Variants in NKAIN2 observed in about 807,000 individuals in gnomAD.
NKAIN2 encodes sodium/potassium transporting ATPase interacting 2.
Under a neutral mutation model 32.6 loss-of-function variants are expected in NKAIN2, and 14 were observed. That is an observed-to-expected ratio of 0.43 (90% confidence interval 0.28 to 0.67). NKAIN2 has a LOEUF of 0.67. Ranked by LOEUF, NKAIN2 falls within the 30% of genes least tolerant of loss-of-function variation. NKAIN2 has a pLI of 0.17. For missense variants in NKAIN2, 198 were observed against 258.3 expected (o/e 0.77, Z 1.60); for synonymous variants, 80 against 87.2 (o/e 0.92, Z 0.46).
At chr6:124,120,611 A>G (rs1785834041) in intron 1 of NKAIN2, among the ~76,000 whole-genome samples, 1 of 152,132 alleles carries the variant, frequency 6.6e-6, no homozygotes, top group Non-Finnish European at 1.5e-5. Flanking sequence ...TAGCTGCTGG[A>G]TTTCACTGCC....
chr6:123,890,383 T>A (rs1385820069), intron 1 of NKAIN2, among the ~76,000 whole-genome samples: 2 of 151,840 alleles, frequency 1.3e-5, no homozygotes, highest in African/African-American at 4.8e-5. Flanking sequence ...ATCTTTCAAG[T>A]CCTTAAACAT....
intron 2 of NKAIN2, among the ~76,000 whole-genome samples, chr6:124,351,879 C>G (rs984541321): frequency 6.6e-6 from 1 of 152,114 alleles, no homozygotes; most frequent in Non-Finnish European, 1.5e-5. Flanking sequence ...CCTCGGCCTC[C>G]CAAAGTGCTG....
intron 2 of NKAIN2, among the ~76,000 whole-genome samples, chr6:124,289,636 G>A (rs956590420): frequency 5.3e-5 from 8 of 152,128 alleles, no homozygotes; most frequent in Non-Finnish European, 1.2e-4. Flanking sequence ...GATAATTGCC[G>A]TGATTTGATT....
intron 1 of NKAIN2, among the ~76,000 whole-genome samples, chr6:124,198,637 C>T (rs1465858631): frequency 6.6e-6 from 1 of 151,848 alleles, no homozygotes; most frequent in African/African-American, 2.4e-5. Flanking sequence ...CTGCTTCTCT[C>T]CTGTGGCTTA....
At chr6:124,117,825 T>C (rs1357749185) in intron 1 of NKAIN2, among the ~76,000 whole-genome samples, 3 of 151,560 alleles carry the variant, frequency 2.0e-5, no homozygotes, top group Admixed American at 2.0e-4. Context: ...ATAATATTTA[T>C]TCAATTTTAT....
At chr6:124,398,109 C>T (rs767912097) in intron 3 of NKAIN2, among the ~76,000 whole-genome samples, 15 of 151,422 alleles carry the variant, frequency 9.9e-5, no homozygotes, top group African/African-American at 1.9e-4. Context: ...AAAAATTAGC[C>T]GGGCGTGGTT....
At chr6:124,298,746 G>A (rs937510926) in intron 2 of NKAIN2, among the ~76,000 whole-genome samples, 4 of 148,766 alleles carry the variant, frequency 2.7e-5, no homozygotes, top group Non-Finnish European at 5.9e-5. Flanking sequence ...GTAATGCTTG[G>A]AAGGAGAGAA....
At chr6:124,122,572 C>T (rs1287046188) in intron 1 of NKAIN2, among the ~76,000 whole-genome samples, 2 of 152,028 alleles carry the variant, frequency 1.3e-5, no homozygotes, top group African/African-American at 4.8e-5. Flanking sequence ...TTACCATGAG[C>T]TCAGGTGGTC....
chr6:124,717,644 G>A (rs1383639731), intron 4 of NKAIN2, among the ~76,000 whole-genome samples: 1 of 152,066 alleles, frequency 6.6e-6, no homozygotes, highest in Non-Finnish European at 1.5e-5. Context: ...CATATTTTCA[G>A]AGTAAATAAA....
In NKAIN2 at chr6:124,191,613, C is replaced by T. The variant is rs569924698; in HGVS notation, c.55-91392C>T. On this transcript the variant is annotated intron_variant, in intron 1 of 6. Coordinates refer to ENST00000368417, the MANE Select transcript of NKAIN2 (RefSeq NM_001040214.3). ...TTGCCCATTTGCCTTACTACTCTGG[C>T]GGCTAGGACTTCCACTACAATGTAA... 1.4e-3 allele frequency among the ~76,000 whole-genome samples: 206 copies of T among 152,178 alleles called. 1 individual carries two copies. The highest frequency in any genetic ancestry group is 2.3e-3 in the Non-Finnish European group (156 of 67,988).
At chr6:124,505,266 G>T (rs1012723262) in intron 3 of NKAIN2, among the ~76,000 whole-genome samples, 1 of 152,222 alleles carries the variant, frequency 6.6e-6, no homozygotes, top group African/African-American at 2.4e-5. Flanking sequence ...TGAGTGTAGT[G>T]CAGAATACTC....
intron 1 of NKAIN2, among the ~76,000 whole-genome samples, chr6:124,228,527 A>T (rs958935687): frequency 1.3e-5 from 2 of 152,150 alleles, no homozygotes; most frequent in African/African-American, 4.8e-5. Context: ...AAATACCATC[A>T]CACTGGGGGT....
intron 4 of NKAIN2, among the ~76,000 whole-genome samples, chr6:124,744,759 C>T (rs545122978): frequency 9.2e-5 from 14 of 151,924 alleles, no homozygotes; most frequent in African/African-American, 3.4e-4. Context: ...GTCATGATTA[C>T]GGAATACAGA....
chr6:124,579,572 C>T (rs1331647109), intron 3 of NKAIN2, among the ~76,000 whole-genome samples: 2 of 152,096 alleles, frequency 1.3e-5, no homozygotes, highest in Non-Finnish European at 2.9e-5. Context: ...TTAAGCCCAC[C>T]CACCAGATCT....
chr6:123,866,187 T>A (rs1772500412), intron 1 of NKAIN2, among the ~76,000 whole-genome samples: 2 of 152,302 alleles, frequency 1.3e-5, no homozygotes, highest in Admixed American at 6.5e-5. Context: ...CTCTCCCCTG[T>A]ACCTTTAACA....
chr6:124,372,724 G>A (rs2114333264), intron 3 of NKAIN2, among the ~76,000 whole-genome samples: 1 of 152,142 alleles, frequency 6.6e-6, no homozygotes, highest in South Asian at 2.1e-4. Flanking sequence ...TAAATCACTG[G>A]CAAATATTCT....
At chr6:124,615,318 C>T (rs1331501269) in intron 3 of NKAIN2, among the ~76,000 whole-genome samples, 2 of 152,094 alleles carry the variant, frequency 1.3e-5, no homozygotes, top group African/African-American at 2.4e-5. Flanking sequence ...AGCTACTGAG[C>T]AAAGCGCAAT....
chr6:123,875,977 C>G (rs928076035), intron 1 of NKAIN2, among the ~76,000 whole-genome samples: 4 of 151,994 alleles, frequency 2.6e-5, no homozygotes, highest in Non-Finnish European at 5.9e-5. Flanking sequence ...CTCAGTTCTG[C>G]TATTCTGTCA....
chr6:123,962,434 T>C (rs547488113), intron 1 of NKAIN2, among the ~76,000 whole-genome samples: 2 of 152,288 alleles, frequency 1.3e-5, no homozygotes, highest in African/African-American at 4.8e-5. Context: ...AGAATCAATG[T>C]CTTATTTTTC....
Sources: allele counts gnomAD v4.1 joint callset (sites outside exome capture counted in the v4.1 genomes callset), GRCh38; gene constraint gnomAD v4.1.1; transcripts MANE v1.5; gene names NCBI Gene and HGNC (gene_info 2026-07-23, HGNC 2026-07-21).